EXOC4: variants seen among roughly 807,000 people sequenced by gnomAD.
The protein encoded by EXOC4 is SEC8-like 1.
Under a neutral mutation model 107.2 loss-of-function variants are expected in EXOC4, and 71 were observed. That is an observed-to-expected ratio of 0.66 (90% CI 0.55 to 0.81). EXOC4 has a LOEUF of 0.81. Among genes scored for constraint, EXOC4 ranks in the 30% least tolerant of loss-of-function variants. The pLI, the probability that EXOC4 is intolerant of heterozygous loss-of-function variation, is 0.00. For missense variants in EXOC4, 1,108 were observed against 1,189.6 expected (o/e 0.93, Z 1.01); for synonymous variants, 456 against 441.2 (o/e 1.03, Z -0.42).
chr7:133,360,513 T>A (rs1796114147), intron 6 of EXOC4, among the ~76,000 whole-genome samples: 4 of 152,236 alleles, frequency 2.6e-5, no homozygotes, highest in Admixed American at 2.0e-4. Context: ...GGGAGACCTT[T>A]CTCTCTTTTG....
chr7:133,949,205 A>G (rs904576189), intron 14 of EXOC4, among the ~76,000 whole-genome samples: 21 of 152,182 alleles, frequency 1.4e-4, no homozygotes, highest in Non-Finnish European at 2.4e-4. Flanking sequence ...CTTAAATTCA[A>G]TACTGTGATT....
At chr7:133,924,037 C>A (rs905210009) in intron 13 of EXOC4, among the ~76,000 whole-genome samples, 2 of 151,234 alleles carry the variant, frequency 1.3e-5, no homozygotes, top group South Asian at 2.1e-4. Flanking sequence ...ATTGAGAGAT[C>A]GATTGGTTAG....
At chr7:134,013,340 A>G (rs1349056956) in intron 17 of EXOC4, among the ~76,000 whole-genome samples, 1 of 152,192 alleles carries the variant, frequency 6.6e-6, no homozygotes, top group Non-Finnish European at 1.5e-5. Flanking sequence ...ATAGAGATAC[A>G]TTCTGTGAAA....
At chr7:133,630,273 ACT>A (rs2151015078) in intron 10 of EXOC4, 132 bp downstream of exon 10, 1 of 645,076 alleles carries the variant, frequency 1.6e-6, no homozygotes, top group African/African-American at 1.8e-5. Flanking sequence ...TTAGGGCCTC[ACT>A]ATTAAAGTTA....
At chr7:133,370,036 G>A (rs543006996) in intron 6 of EXOC4, among the ~76,000 whole-genome samples, 11 of 151,968 alleles carry the variant, frequency 7.2e-5, no homozygotes, top group South Asian at 2.1e-4. Flanking sequence ...CAGGTGATCC[G>A]CCACCTCGGC....
chr7:133,397,321 A>G lies in EXOC4; in HGVS notation c.1182+22319A>G, dbSNP rs558273608. 6.1e-5 allele frequency among the ~76,000 whole-genome samples: 9 copies of G among 148,452 alleles called. No homozygotes were observed. In the East Asian group the frequency reaches 1.8e-3, roughly 29 times the overall value. ...TTTTTTTTTTGTATTTTTAGTAGAG[A>G]AGGGGTTTCTCCATGTTGGTCAGGG... is the stretch of plus-strand genomic sequence containing the variant. On this transcript the variant is annotated intron_variant, in intron 7 of 17. Transcript: ENST00000253861.
At position 134,030,906 on chromosome 7, in the gene EXOC4, C is replaced by G. The variant is rs371777583; in HGVS notation, c.2687+23071C>G. The stretch of plus-strand genomic sequence containing the variant: ...CCTGGCCTTCCAAGAAGTTTTGCAT[C>G]TTTCCCTATAACTTTTATAACTTTT... On this transcript the variant is annotated intron_variant, in intron 17 of 17. Transcript: ENST00000253861. Among the ~76,000 whole-genome samples the G allele has an allele frequency of 1.2e-4, 19 of 152,230 alleles. No homozygotes were observed. In the East Asian group the frequency reaches 1.5e-3, roughly 12 times the overall value.
chr7:133,405,413 T>C (rs1407450108), intron 7 of EXOC4, among the ~76,000 whole-genome samples: 2 of 152,194 alleles, frequency 1.3e-5, no homozygotes, highest in East Asian at 3.9e-4. Context: ...TTGTGGTTTC[T>C]CTATTTAGAT....
At chr7:133,873,081 A>G (rs2116404140) in intron 11 of EXOC4, among the ~76,000 whole-genome samples, 1 of 152,292 alleles carries the variant, frequency 6.6e-6, no homozygotes, top group South Asian at 2.1e-4. Flanking sequence ...GGGCCCAGGT[A>G]TGAGGATTAT....
At position 133,908,811 on chromosome 7, in the gene EXOC4, TAAG is replaced by T. The variant is rs561129055; in HGVS notation, c.1872-8767_1872-8765del. On this transcript the variant is annotated intron_variant, in intron 12 of 17. Coordinates refer to ENST00000253861, the MANE Select transcript of EXOC4 (RefSeq NM_021807.4). Reference sequence around the variant, plus strand: ...CATTGATGATATTATTGATATTCAATAAGAAGACAGTACAAGAAAGTTTTTTTA... The same window carrying T: ...CATTGATGATATTATTGATATTCAATAAGACAGTACAAGAAAGTTTTTTTA... Among the ~76,000 whole-genome samples, 202 of 152,316 alleles carry T rather than the reference TAAG, an allele frequency of 1.3e-3. 3 individuals are homozygous for T. In the South Asian group the frequency reaches 0.038, roughly 29 times the overall value.
At chr7:133,786,855 T>G (rs1796579635) in intron 10 of EXOC4, among the ~76,000 whole-genome samples, 1 of 152,230 alleles carries the variant, frequency 6.6e-6, no homozygotes. Flanking sequence ...TCAGAATGTA[T>G]TAGTCCACTA....
At chr7:134,043,140 A>ATT (rs74570025) in intron 17 of EXOC4, among the ~76,000 whole-genome samples, 2,216 of 150,996 alleles carry the variant, frequency 0.015, 67 homozygotes, top group African/African-American at 0.052. Context: ...AGTCTACTCC[A>ATT]TTTTTTTTTC....
intron 9 of EXOC4, among the ~76,000 whole-genome samples, chr7:133,489,366 C>T (rs539556872): frequency 1.4e-3 from 207 of 152,300 alleles, no homozygotes; most frequent in Non-Finnish European, 2.2e-3. Context: ...TAAGAAGCCT[C>T]TTAAAGCTTT....
chr7:134,020,672 C>G (rs529587908), intron 17 of EXOC4, among the ~76,000 whole-genome samples: 2 of 152,226 alleles, frequency 1.3e-5, no homozygotes, highest in East Asian at 3.9e-4. Flanking sequence ...TTGAGTAAGT[C>G]ACTTCAGCTC....
chr7:133,610,977 G>A (rs1802063182), intron 9 of EXOC4, among the ~76,000 whole-genome samples: 1 of 111,738 alleles, frequency 8.9e-6, no homozygotes. Flanking sequence ...ATTCCTGGCT[G>A]TTTTCTCTAT....
intron 10 of EXOC4, among the ~76,000 whole-genome samples, chr7:133,636,815 G>A (rs1563135255): frequency 1.3e-5 from 2 of 152,306 alleles, no homozygotes; most frequent in Non-Finnish European, 1.5e-5. Flanking sequence ...TAAAGTCCTG[G>A]CATCTAGGTC....
At chr7:133,592,448 T>A (rs10267029) in intron 9 of EXOC4, among the ~76,000 whole-genome samples, 34,484 of 152,130 alleles carry the variant, frequency 0.23, 4,513 homozygotes, top group African/African-American at 0.34. Flanking sequence ...TTAATTTTTT[T>A]AAATTTTATT....
At chr7:133,753,062 C>A (rs974619680) in intron 10 of EXOC4, among the ~76,000 whole-genome samples, 1 of 152,178 alleles carries the variant, frequency 6.6e-6, no homozygotes, top group Non-Finnish European at 1.5e-5. Context: ...TATCCTTATC[C>A]TGAGGAATAT....
chr7:133,272,481 A>G (rs902072955), intron 1 of EXOC4, among the ~76,000 whole-genome samples: 12 of 152,144 alleles, frequency 7.9e-5, no homozygotes, highest in African/African-American at 2.7e-4. Flanking sequence ...TTAAACATAC[A>G]TTCTATAAAA....
Sources: allele counts gnomAD v4.1 joint callset (sites outside exome capture counted in the v4.1 genomes callset), GRCh38; gene constraint gnomAD v4.1.1; transcripts MANE v1.5; gene names NCBI Gene and HGNC (gene_info 2026-07-23, HGNC 2026-07-21).